Variants in ERBB4 observed in about 807,000 individuals in gnomAD.
ERBB4 encodes the protein erb-b2 receptor tyrosine kinase 4, also known as receptor tyrosine-protein kinase erbB-4.
In ERBB4, 42 loss-of-function variants were observed where a neutral mutation model predicts 158.0. The observed-to-expected ratio is 0.27, with a 90% CI of 0.21 to 0.34. The LOEUF (loss-of-function observed/expected upper bound fraction) is 0.34. Ranked by LOEUF, ERBB4 falls within the 10% of genes least tolerant of loss-of-function variation. The pLI is 1.00. For synonymous variants in ERBB4, 583 were observed against 558.7 expected (o/e 1.04, Z -0.61); for missense variants, 1,333 against 1,624.1 (o/e 0.82, Z 3.08).
chr2:212,003,208 A>AAGGAAG (rs2076171472), intron 2 of ERBB4, among the ~76,000 whole-genome samples: 2 of 36,692 alleles, frequency 5.5e-5, no homozygotes, highest in African/African-American at 1.6e-4. Flanking sequence ...AAAGAAAGAC[A>AAGGAAG]GAAAGAAGGA....
At chr2:211,457,308 GT>G (rs1267073875) in intron 20 of ERBB4, among the ~76,000 whole-genome samples, 2 of 152,164 alleles carry the variant, frequency 1.3e-5, no homozygotes, top group Non-Finnish European at 2.9e-5. Flanking sequence ...ATAGATGTTA[GT>G]TTCCCCTTCA....
chr2:212,493,306 T>C (rs1690382817), intron 1 of ERBB4, among the ~76,000 whole-genome samples: 1 of 151,346 alleles, frequency 6.6e-6, no homozygotes. Flanking sequence ...ATCTTATATA[T>C]ATTCAAATTT....
intron 1 of ERBB4, among the ~76,000 whole-genome samples, chr2:212,218,211 A>G (rs1180180212): frequency 6.6e-6 from 1 of 151,320 alleles, no homozygotes; most frequent in Non-Finnish European, 1.5e-5. Context: ...TTGGGTTTCA[A>G]TTGGTAAGAA....
chr2:211,480,600 A>G (rs1008773821), intron 20 of ERBB4, among the ~76,000 whole-genome samples: 2 of 152,068 alleles, frequency 1.3e-5, no homozygotes, highest in Admixed American at 6.6e-5. Flanking sequence ...TCTTTTCTTT[A>G]TAAGTTACCC....
In ERBB4 at chr2:211,749,975, T is replaced by G. The variant is rs544864557; in HGVS notation, c.622+664A>C. ...ATTCTTAAGTTTCATGAAAGTTCAG[T>G]GCTGGTTTGAGTACTAAACAACATT... On this transcript the variant is annotated intron_variant, in intron 5 of 27. Transcript: ENST00000342788. 1.1e-4 allele frequency among the ~76,000 whole-genome samples: 17 copies of G among 152,292 alleles called. No individual in the cohort carries two copies. In the East Asian group the frequency reaches 3.3e-3, roughly 29 times the overall value.
At chr2:212,519,458 T>G (rs1692026398) in intron 1 of ERBB4, among the ~76,000 whole-genome samples, 1 of 151,520 alleles carries the variant, frequency 6.6e-6, no homozygotes, top group African/African-American at 2.4e-5. Flanking sequence ...TTAAAGCTAC[T>G]GCACAAAATG....
intron 1 of ERBB4, among the ~76,000 whole-genome samples, chr2:212,492,519 T>C (rs539677043): frequency 6.6e-6 from 1 of 151,662 alleles, no homozygotes; most frequent in South Asian, 2.1e-4. Context: ...GATTACTAAG[T>C]ACATGTTGAT....
intron 3 of ERBB4, among the ~76,000 whole-genome samples, chr2:211,907,666 T>C (rs1481453681): frequency 1.3e-5 from 2 of 151,674 alleles, no homozygotes; most frequent in East Asian, 2.0e-4. Flanking sequence ...AGTCACATAC[T>C]GAAGAACCCA....
At chr2:212,151,065 T>C (rs1001043598) in intron 1 of ERBB4, among the ~76,000 whole-genome samples, 20 of 152,074 alleles carry the variant, frequency 1.3e-4, no homozygotes, top group Non-Finnish European at 2.6e-4. Flanking sequence ...TTTCATATAT[T>C]AAATATGAAT....
intron 3 of ERBB4, among the ~76,000 whole-genome samples, chr2:211,859,048 C>T (rs950402412): frequency 6.6e-6 from 1 of 152,178 alleles, no homozygotes; most frequent in Non-Finnish European, 1.5e-5. Flanking sequence ...TCACAAAGTG[C>T]TGGGATTACA....
intron 5 of ERBB4, among the ~76,000 whole-genome samples, chr2:211,744,686 G>C (rs2074907807): frequency 6.6e-6 from 1 of 152,230 alleles, no homozygotes; most frequent in Non-Finnish European, 1.5e-5. Flanking sequence ...TAGTGACAAA[G>C]AGGATAACTC....
intron 14 of ERBB4, among the ~76,000 whole-genome samples, chr2:211,670,329 C>T (rs1228836050): frequency 2.6e-5 from 4 of 152,050 alleles, no homozygotes; most frequent in African/African-American, 4.8e-5. Context: ...TTTCAGGCAC[C>T]GTTACTGAAA....
intron 20 of ERBB4, among the ~76,000 whole-genome samples, chr2:211,509,253 A>G (rs142335011): frequency 0.018 from 2,813 of 152,180 alleles, 102 homozygotes; most frequent in African/African-American, 0.064. Flanking sequence ...TAAAACCTAG[A>G]TGATGGGTTG....
intron 1 of ERBB4, among the ~76,000 whole-genome samples, chr2:212,526,105 A>C (rs1029855713): frequency 1.3e-5 from 2 of 152,028 alleles, no homozygotes; most frequent in Non-Finnish European, 2.9e-5. Context: ...ATAGAAATTT[A>C]TTTTTATATA....
At chr2:212,019,124 AG>A (rs947218991) in intron 2 of ERBB4, among the ~76,000 whole-genome samples, 1 of 152,158 alleles carries the variant, frequency 6.6e-6, no homozygotes. Context: ...AGAAGGGTAG[AG>A]GAAGTACCTA....
At chr2:211,650,471 TAAA>T (rs2070941287) in intron 16 of ERBB4, among the ~76,000 whole-genome samples, 1 of 152,070 alleles carries the variant, frequency 6.6e-6, no homozygotes, top group African/African-American at 2.4e-5. Context: ...TGTGCACATA[TAAA>T]TATACAGGTA....
At chr2:212,361,252 G>A (rs1219780434) in intron 1 of ERBB4, among the ~76,000 whole-genome samples, 1 of 151,458 alleles carries the variant, frequency 6.6e-6, no homozygotes, top group African/African-American at 2.4e-5. Flanking sequence ...GAGGCTTTCA[G>A]GAAGACTCTA....
intron 15 of ERBB4, 74 bp from the exon 16 acceptor site, chr2:211,657,902 C>T (rs753103911): frequency 3.1e-6 from 5 of 1,597,458 alleles, no homozygotes; most frequent in Admixed American, 1.7e-5. Flanking sequence ...CCAGTGCTCA[C>T]ACATGGAGCC....
At chr2:211,911,870 T>C (rs12989744) in intron 3 of ERBB4, among the ~76,000 whole-genome samples, 3 of 151,366 alleles carry the variant, frequency 2.0e-5, no homozygotes, top group Non-Finnish European at 4.4e-5. Flanking sequence ...ATATAATTAG[T>C]AGTAGAATAT....
Sources: gnomAD v4.1 joint callset for allele counts (sites outside exome capture counted in the v4.1 genomes callset) on GRCh38, gnomAD v4.1.1 for gene constraint, MANE v1.5 for transcripts, NCBI Gene and HGNC (gene_info 2026-07-23, HGNC 2026-07-21) for gene names.